The following ATXN8OS variants were observed in gnomAD, a reference collection of about 807,000 sequenced individuals.
ATXN8OS encodes the protein ATXN8 opposite strand lncRNA, also known as ATXN8 opposite strand (non-protein coding).
At chr13:70,123,569 A>C (rs532752889) in intron 2 of ATXN8OS, among the ~76,000 whole-genome samples, 2 of 152,270 alleles carry the variant, frequency 1.3e-5, no homozygotes, top group South Asian at 4.1e-4. Context: ...TAAACTTAGA[A>C]AAGATCTGAA....
At chr13:70,143,110 C>T (rs201084066) in intron 3 of ATXN8OS, among the ~76,000 whole-genome samples, 6 of 133,194 alleles carry the variant, frequency 4.5e-5, no homozygotes, top group African/African-American at 1.6e-4. Flanking sequence ...TTTACAAATA[C>T]AGAATGTTCA....
chr13:70,128,035 T>C (rs1034827910), intron 2 of ATXN8OS, among the ~76,000 whole-genome samples: 4 of 152,052 alleles, frequency 2.6e-5, no homozygotes, highest in African/African-American at 9.6e-5. Flanking sequence ...TTAAATTATA[T>C]ATAATTCATA....
chr13:70,165,449 A>T lies in ATXN8OS; in HGVS notation n.574-4304A>T, dbSNP rs1226416239. Among the ~76,000 whole-genome samples the T allele has an allele frequency of 3.3e-5, 5 of 151,958 alleles. No homozygotes were observed. The South Asian group carries it at 8.3e-4, about 25-fold the overall frequency. On this transcript the variant is annotated intron_variant and non_coding_transcript_variant, in intron 4 of 4. Coordinates refer to ENST00000678624, the Ensembl canonical transcript of ATXN8OS. ...AAAATAAATCTAGAAAAACATTTTT[A>T]AAAAACTTATTGAATACTATAATTT...
At chr13:70,112,280 G>C (rs1888207431) in intron 1 of ATXN8OS, among the ~76,000 whole-genome samples, 2 of 151,482 alleles carry the variant, frequency 1.3e-5, no homozygotes, top group South Asian at 4.2e-4. Flanking sequence ...CATGAGATTT[G>C]GGTGGGGACA....
intron 4 of ATXN8OS, among the ~76,000 whole-genome samples, chr13:70,148,522 A>G (rs1469632297): frequency 6.6e-6 from 1 of 152,136 alleles, no homozygotes; most frequent in Non-Finnish European, 1.5e-5. Context: ...CAGGTTTCTT[A>G]AGAATCTCCT....
chr13:70,147,234 AAT>A (rs1475045302), intron 3 of ATXN8OS, among the ~76,000 whole-genome samples: 2 of 152,204 alleles, frequency 1.3e-5, no homozygotes, highest in Non-Finnish European at 2.9e-5. Flanking sequence ...TTTAAAAACT[AAT>A]ATAAGAATGC....
chr13:70,166,584 C>G (rs556485866), intron 4 of ATXN8OS, among the ~76,000 whole-genome samples: 30 of 152,174 alleles, frequency 2.0e-4, no homozygotes, highest in Non-Finnish European at 4.0e-4. Context: ...GTAGGCAATA[C>G]CATTCAGGAC....
intron 3 of ATXN8OS, among the ~76,000 whole-genome samples, chr13:70,133,960 A>G (rs948226284): frequency 1.3e-5 from 2 of 152,212 alleles, no homozygotes; most frequent in Non-Finnish European, 2.9e-5. Context: ...ACAAGCTGGA[A>G]TCACATTTTA....
intron 4 of ATXN8OS, among the ~76,000 whole-genome samples, chr13:70,166,989 T>A (rs1398606852): frequency 6.6e-6 from 1 of 151,706 alleles, no homozygotes; most frequent in Non-Finnish European, 1.5e-5. Context: ...CCAGTTAGAA[T>A]GGCAATCATT....
intron 2 of ATXN8OS, among the ~76,000 whole-genome samples, chr13:70,117,380 A>T (rs1401070203): frequency 6.6e-6 from 1 of 152,104 alleles, no homozygotes; most frequent in Non-Finnish European, 1.5e-5. Flanking sequence ...GAAAAAAACT[A>T]TGCTTTTTCC....
intron 4 of ATXN8OS, among the ~76,000 whole-genome samples, chr13:70,165,868 A>G (rs183762251): frequency 1.3e-5 from 2 of 152,200 alleles, no homozygotes; most frequent in East Asian, 3.9e-4. Flanking sequence ...TTAAACAACA[A>G]AATAATAATA....
chr13:70,139,143 T>A (rs1888659756), intron 3 of ATXN8OS: 1 of 410,740 alleles, frequency 2.4e-6, no homozygotes, highest in Admixed American at 4.2e-5. Flanking sequence ...GGCTCCAGAC[T>A]AACCATCTTG....
At chr13:70,133,914 C>A (rs973915169) in intron 3 of ATXN8OS, among the ~76,000 whole-genome samples, 3 of 152,282 alleles carry the variant, frequency 2.0e-5, no homozygotes, top group Non-Finnish European at 4.4e-5. Context: ...AAGATGAGAA[C>A]AATATAGAAA....
chr13:70,136,292 GA>G (rs1248676031), intron 3 of ATXN8OS, among the ~76,000 whole-genome samples: 3 of 152,056 alleles, frequency 2.0e-5, no homozygotes, highest in African/African-American at 4.8e-5. Context: ...AAAGTACAGG[GA>G]TAGCCTCAGA....
At chr13:70,122,658 G>A (rs1265904211) in intron 2 of ATXN8OS, among the ~76,000 whole-genome samples, 3 of 151,926 alleles carry the variant, frequency 2.0e-5, no homozygotes, top group African/African-American at 7.2e-5. Flanking sequence ...ATGAAACTAT[G>A]GTATGTATAT....
At chr13:70,110,844 A>G (rs1233534286) in intron 1 of ATXN8OS, among the ~76,000 whole-genome samples, 1 of 152,216 alleles carries the variant, frequency 6.6e-6, no homozygotes. Flanking sequence ...TTAACCAGCC[A>G]TAAGTAATAA....
intron 4 of ATXN8OS, among the ~76,000 whole-genome samples, chr13:70,164,053 TTCTTATTATTA>T (rs1555302141): frequency 4.4e-4 from 1 of 2,252 alleles, no homozygotes; most frequent in Non-Finnish European, 1.5e-3. Context: ...GAAGTTTTTA[TTCTTATTATTA>T]TTATTATTAT....
chr13:70,153,735 A>G (rs1320235495), intron 4 of ATXN8OS, among the ~76,000 whole-genome samples: 2 of 152,048 alleles, frequency 1.3e-5, no homozygotes, highest in Non-Finnish European at 2.9e-5. Flanking sequence ...GCTGGAGTGC[A>G]GGGGCACAGT....
intron 4 of ATXN8OS, among the ~76,000 whole-genome samples, chr13:70,165,195 A>G (rs1184258981): frequency 1.3e-5 from 2 of 151,932 alleles, no homozygotes; most frequent in Non-Finnish European, 2.9e-5. Flanking sequence ...ACGAAAGCAT[A>G]TTGTTAATTT....
Sources: gnomAD v4.1 joint callset for allele counts (sites outside exome capture counted in the v4.1 genomes callset) on GRCh38, gnomAD v4.1.1 for gene constraint, MANE v1.5 for transcripts, NCBI Gene and HGNC (gene_info 2026-07-23, HGNC 2026-07-21) for gene names.